CEP83: variants seen among roughly 807,000 people sequenced by gnomAD.
CEP83 encodes centrosomal protein 83.
Under a neutral mutation model 101.9 loss-of-function variants are expected in CEP83, and 70 were observed. The observed-to-expected ratio is 0.69, with a 90% CI of 0.57 to 0.84. CEP83 has a LOEUF of 0.84. Ranked by LOEUF, CEP83 falls within the 40% of genes least tolerant of loss-of-function variation. The pLI, the probability that CEP83 is intolerant of heterozygous loss-of-function variation, is 0.00. For synonymous variants in CEP83, 264 were observed against 267.9 expected (o/e 0.99, Z 0.14); for missense variants, 715 against 787.2 (o/e 0.91, Z 1.10).
chr12:94,272,802 G>T, the CEP83 span, among the ~76,000 whole-genome samples: 7,196 of 152,262 alleles, frequency 0.047, 286 homozygotes, highest in African/African-American at 0.1. Flanking sequence ...GGGTGGCACC[G>T]GAGGCACAGG....
the CEP83 span, among the ~76,000 whole-genome samples, chr12:94,284,266 A>C: frequency 6.6e-6 from 1 of 152,132 alleles, no homozygotes; most frequent in African/African-American, 2.4e-5. Flanking sequence ...AGTCCTATGA[A>C]GGCAATCTAG....
chr12:94,296,257 C>T, the CEP83 span, among the ~76,000 whole-genome samples: 1 of 152,150 alleles, frequency 6.6e-6, no homozygotes, highest in African/African-American at 2.4e-5. Context: ...ACCTGCTGGG[C>T]TCAAATGATC....
At chr12:94,313,862 TA>T (rs1970255962) in intron 14 of CEP83, among the ~76,000 whole-genome samples, 1 of 151,884 alleles carries the variant, frequency 6.6e-6, no homozygotes, top group Non-Finnish European at 1.5e-5. Flanking sequence ...AGAACTGAAG[TA>T]AAATTCAAAA....
intron 14 of CEP83, among the ~76,000 whole-genome samples, chr12:94,318,953 C>T (rs1035895726): frequency 2.0e-5 from 3 of 152,134 alleles, no homozygotes; most frequent in Non-Finnish European, 2.9e-5. Context: ...TCCTGCTCCT[C>T]TATTTTTTGT....
chr12:94,386,865 A>G (rs535207812), intron 6 of CEP83, among the ~76,000 whole-genome samples: 1 of 152,282 alleles, frequency 6.6e-6, no homozygotes, highest in South Asian at 2.1e-4. Flanking sequence ...CATTGTTGAG[A>G]TGATTTTTTA....
Position 94,403,880 on chromosome 12 carries a change from T to TA in CEP83, c.325-619dup, listed in dbSNP as rs11341038. Among the ~76,000 whole-genome samples the TA allele has an allele frequency of 1.5e-3, 203 of 139,824 alleles. 1 individual carries two copies. Among genetic ancestry groups the TA allele is most frequent in the South Asian group, 4.3e-3 (19 of 4,406 alleles). 91.7% of individuals were successfully genotyped at this position (139,824 alleles called of 152,430 possible). A position where few individuals can be genotyped will look rare whatever the true frequency, so the allele number is the denominator to read the frequency against. ...ATGAAGGAGGAACAAATACTAGTTGTAAAAAAAAAAAAAAAAAATCTAAAG... is the reference window on the plus strand; with the variant it reads ...ATGAAGGAGGAACAAATACTAGTTGTAAAAAAAAAAAAAAAAAAATCTAAAG... On this transcript the variant is annotated intron_variant, in intron 4 of 16. Transcript: ENST00000397809.
chr12:94,292,405 T>C, the CEP83 span, among the ~76,000 whole-genome samples: 45 of 152,334 alleles, frequency 3.0e-4, 1 homozygote, highest in East Asian at 8.1e-3. Context: ...TGAATAGTCA[T>C]TGAGCTGCAC....
At chr12:94,378,124 A>C (rs959332960) in intron 7 of CEP83, among the ~76,000 whole-genome samples, 3 of 152,224 alleles carry the variant, frequency 2.0e-5, no homozygotes, top group African/African-American at 7.2e-5. Context: ...TGAACTATAC[A>C]AAATAAATAA....
intron 8 of CEP83, among the ~76,000 whole-genome samples, chr12:94,374,209 A>G (rs768565369): frequency 2.4e-4 from 36 of 152,212 alleles, no homozygotes; most frequent in Non-Finnish European, 4.4e-4. Flanking sequence ...AATCAGGGTC[A>G]GCACACAGGT....
chr12:94,331,289 G>GAAAA (rs568464808), intron 14 of CEP83, among the ~76,000 whole-genome samples: 3 of 43,818 alleles, frequency 6.8e-5, no homozygotes, highest in Non-Finnish European at 6.9e-5. Context: ...CAGACTCTCA[G>GAAAA]AAAAAAAAAA....
chr12:94,423,562 G>A (rs2064945007), intron 2 of CEP83, among the ~76,000 whole-genome samples: 1 of 150,374 alleles, frequency 6.7e-6, no homozygotes, highest in Non-Finnish European at 1.5e-5. Flanking sequence ...CAACAGTAAA[G>A]GGCAGGAACA....
chr12:94,356,089 T>G (rs984049036), intron 11 of CEP83, among the ~76,000 whole-genome samples: 1 of 152,116 alleles, frequency 6.6e-6, no homozygotes, highest in African/African-American at 2.4e-5. Flanking sequence ...CGCCCATTCA[T>G]GGGGGCTCGA....
At chr12:94,342,719 A>G (rs757651000) in intron 11 of CEP83, among the ~76,000 whole-genome samples, 4 of 152,202 alleles carry the variant, frequency 2.6e-5, no homozygotes, top group Non-Finnish European at 4.4e-5. Context: ...TAAGAGGATA[A>G]AAGTATACCA....
chr12:94,373,967 TAAAGTTG>T (rs2061413659), intron 8 of CEP83, among the ~76,000 whole-genome samples: 1 of 152,234 alleles, frequency 6.6e-6, no homozygotes, highest in African/African-American at 2.4e-5. Flanking sequence ...TTGGTTTGTT[TAAAGTTG>T]AAGGATGGTA....
chr12:94,395,948 C>T (rs1287336475), intron 6 of CEP83, among the ~76,000 whole-genome samples: 1 of 152,196 alleles, frequency 6.6e-6, no homozygotes, highest in Non-Finnish European at 1.5e-5. Context: ...GTTTGCGAAG[C>T]ATGATGGAAG....
chr12:94,423,620 G>A, intron 2 of CEP83: 1 of 1,545,546 alleles, frequency 6.5e-7, no homozygotes. Flanking sequence ...CGATGGCTAA[G>A]TGTTAGTCCT....
intron 4 of CEP83, chr12:94,408,176 T>G (rs2063663771): frequency 6.6e-6 from 1 of 152,228 alleles, no homozygotes; most frequent in South Asian, 2.1e-4. Flanking sequence ...ATAAGAATGC[T>G]TTATCATACA....
At chr12:94,270,763 C>CT in the CEP83 span, among the ~76,000 whole-genome samples, 20,486 of 147,580 alleles carry the variant, frequency 0.14, 1,420 homozygotes, top group African/African-American at 0.17. Flanking sequence ...ATCTCCATTA[C>CT]TTTTTTTTTT....
intron 14 of CEP83, among the ~76,000 whole-genome samples, chr12:94,323,136 A>AC (rs1324867167): frequency 6.6e-6 from 1 of 152,118 alleles, no homozygotes; most frequent in Non-Finnish European, 1.5e-5. Flanking sequence ...GCAAGGTGCC[A>AC]TGGTAGTGGG....
Sources: gnomAD v4.1 joint callset for allele counts (sites outside exome capture counted in the v4.1 genomes callset) on GRCh38, gnomAD v4.1.1 for gene constraint, MANE v1.5 for transcripts, NCBI Gene and HGNC (gene_info 2026-07-23, HGNC 2026-07-21) for gene names.